Variants in RGS6 observed in about 807,000 individuals in gnomAD.
RGS6 encodes the protein regulator of G-protein signaling 6.
RGS6 carries 30 observed loss-of-function variants against 78.5 expected under a neutral mutation model. That is an observed-to-expected ratio of 0.38 (90% CI 0.29 to 0.52). The LOEUF is 0.52. Among genes scored for constraint, RGS6 ranks in the 20% least tolerant of loss-of-function variants. The probability of loss-of-function intolerance (pLI) is 0.85; values close to 1 mark genes in which losing one functional copy is unlikely to be tolerated. For synonymous variants in RGS6, 206 were observed against 206.0 expected, an observed-to-expected ratio of 1.00 and a Z score of 0.00; for missense variants, 495 against 609.7, an observed-to-expected ratio of 0.81 and a Z score of 1.98.
intron 2 of RGS6, among the ~76,000 whole-genome samples, chr14:72,294,177 G>A (rs2152347700): frequency 6.6e-6 from 1 of 152,346 alleles, no homozygotes. Flanking sequence ...AATGGATTAG[G>A]GTACTTAACA....
intron 13 of RGS6, among the ~76,000 whole-genome samples, chr14:72,502,414 A>G (rs779449900): frequency 6.6e-5 from 10 of 152,210 alleles, no homozygotes; most frequent in South Asian, 2.1e-4. Context: ...AGGAGAGTGA[A>G]AGAGACTAAT....
intron 17 of RGS6, among the ~76,000 whole-genome samples, chr14:72,546,394 G>A (rs1233915052): frequency 1.3e-5 from 2 of 152,188 alleles, no homozygotes; most frequent in African/African-American, 2.4e-5. Context: ...GGCTCCTCAC[G>A]GGGTTGACAG....
chr14:72,413,435 A>G (rs1472509101), intron 3 of RGS6, among the ~76,000 whole-genome samples: 1 of 151,986 alleles, frequency 6.6e-6, no homozygotes, highest in African/African-American at 2.4e-5. Context: ...ATCTTCCTCC[A>G]TCCCTTTATT....
intron 2 of RGS6, among the ~76,000 whole-genome samples, chr14:72,101,497 A>G (rs932154840): frequency 3.3e-5 from 5 of 152,320 alleles, no homozygotes; most frequent in African/African-American, 1.2e-4. Context: ...CGCTCTAGTA[A>G]CATACAACCA....
At chr14:72,537,282 T>C (rs1174732027) in intron 16 of RGS6, among the ~76,000 whole-genome samples, 1 of 152,206 alleles carries the variant, frequency 6.6e-6, no homozygotes, top group Non-Finnish European at 1.5e-5. Flanking sequence ...TCCGCTGGGC[T>C]GCCTCTCAGC....
chr14:72,419,624 G>A (rs1394179837), intron 3 of RGS6, among the ~76,000 whole-genome samples: 1 of 152,222 alleles, frequency 6.6e-6, no homozygotes, highest in African/African-American at 2.4e-5. Context: ...GCTGGCCACT[G>A]AGCTGGACCC....
intron 12 of RGS6, among the ~76,000 whole-genome samples, chr14:72,480,427 T>G (rs1234956257): frequency 6.6e-6 from 1 of 152,154 alleles, no homozygotes; most frequent in Non-Finnish European, 1.5e-5. Flanking sequence ...TAATTATGCT[T>G]GAGAGGCTGC....
intron 2 of RGS6, among the ~76,000 whole-genome samples, chr14:72,054,721 C>A (rs1212895260): frequency 6.6e-6 from 1 of 152,192 alleles, no homozygotes; most frequent in Non-Finnish European, 1.5e-5. Flanking sequence ...CTTACTCCTT[C>A]ACCTCCCCAT....
intron 3 of RGS6, among the ~76,000 whole-genome samples, chr14:72,392,759 G>A (rs1050817609): frequency 1.3e-5 from 2 of 152,168 alleles, no homozygotes; most frequent in African/African-American, 2.4e-5. Flanking sequence ...TCTACAATGT[G>A]GAGAATGGTT....
the RGS6 span, among the ~76,000 whole-genome samples, chr14:72,628,285 C>T: frequency 6.6e-6 from 1 of 152,014 alleles, no homozygotes; most frequent in African/African-American, 2.4e-5. Flanking sequence ...AAGAAGATAT[C>T]CCACAATCAC....
In RGS6 at chr14:72,420,120, A is replaced by G. The variant is rs137899266; in HGVS notation, c.185-34408A>G. Among the ~76,000 whole-genome samples, 63 of 152,340 alleles carry G rather than the reference A, an allele frequency of 4.1e-4. No individual in the cohort carries two copies. The East Asian group carries it at 0.011, about 27-fold the overall frequency. On this transcript the variant is annotated intron_variant, in intron 3 of 17. Coordinates refer to ENST00000553525, the MANE Select transcript of RGS6 (RefSeq NM_001204424.2). ...GGATATGTGACTCACTCAGTGTACC[A>G]AGTTCGTGGCAGAAGTAAGTCTCAA...
the RGS6 span, among the ~76,000 whole-genome samples, chr14:71,870,959 C>T: frequency 3.8e-3 from 572 of 152,314 alleles, 7 homozygotes; most frequent in African/African-American, 0.013. Flanking sequence ...ACAAGTTCTC[C>T]TGGGAGGAGG....
Position 72,336,534 on chromosome 14 carries a change from AGC to A in RGS6, c.85-15556_85-15555del, listed in dbSNP as rs934556347. Among the ~76,000 whole-genome samples, 13 of 141,800 alleles carry A rather than the reference AGC, an allele frequency of 9.2e-5. No individual in the cohort carries two copies. In the East Asian group the frequency reaches 2.0e-3, roughly 22 times the overall value. 93.0% of individuals were successfully genotyped at this position (141,800 alleles called of 152,430 possible). ...TCCTGAGAGAGAGAGAGAGAGAGAG[AGC>A]GCGCATAGGGAGAGGCAGTGGGGAA... On this transcript the variant is annotated intron_variant, in intron 2 of 17. Coordinates refer to ENST00000553525, the MANE Select transcript of RGS6 (RefSeq NM_001204424.2).
chr14:72,252,585 G>C (rs546134252), intron 2 of RGS6, among the ~76,000 whole-genome samples: 1 of 152,210 alleles, frequency 6.6e-6, no homozygotes, highest in Admixed American at 6.5e-5. Flanking sequence ...TCCCAGGAGA[G>C]AAGTGCTGTC....
At chr14:72,347,543 A>G (rs2078288242) in intron 2 of RGS6, among the ~76,000 whole-genome samples, 2 of 152,236 alleles carry the variant, frequency 1.3e-5, no homozygotes, top group South Asian at 4.1e-4. Context: ...TGAGAACATA[A>G]AGATGAATCT....
rs1245311846 is a variant in RGS6 at position 72,565,026 on chromosome 14, G to GA, written c.*2559_*2560insA. The GA allele has an allele frequency of 6.6e-6, 1 of 152,272 alleles. No individual in the cohort carries two copies. The highest frequency in any genetic ancestry group is 1.5e-5 in the Non-Finnish European group (1 of 68,076). 9.4% of individuals were successfully genotyped at this position (152,272 alleles called of 1,614,324 possible). A position where few individuals can be genotyped will look rare whatever the true frequency, so the allele number is the denominator to read the frequency against. On this transcript the variant is annotated 3_prime_UTR_variant, in exon 18 of 18. Coordinates refer to ENST00000553525, the MANE Select transcript of RGS6 (RefSeq NM_001204424.2). The stretch of plus-strand genomic sequence containing the variant: ...TACCACGCAGAACTTGGTCATGCAA[G>GA]TACATTTGGAAAATCTGGTCTTGGC...
intron 2 of RGS6, among the ~76,000 whole-genome samples, chr14:72,272,835 C>A (rs1457267042): frequency 6.6e-6 from 1 of 152,198 alleles, no homozygotes; most frequent in African/African-American, 2.4e-5. Flanking sequence ...GACTTGGAGA[C>A]CAGGTGCAAT....
At position 72,255,780 on chromosome 14, in the gene RGS6, T is replaced by C. The variant is rs566931285; in HGVS notation, c.85-96315T>C. On this transcript the variant is annotated intron_variant, in intron 2 of 17. Transcript: ENST00000553525. ...AGCATTTGCTTATTTGGAAAACTTT[T>C]ATTTGCATTTCACATTTTTTATCAC... 4.6e-5 allele frequency among the ~76,000 whole-genome samples: 7 copies of C among 152,354 alleles called. No individual in the cohort carries two copies. The East Asian group carries it at 1.2e-3, about 25-fold the overall frequency.
chr14:72,119,013 A>G (rs1392896890), intron 2 of RGS6, among the ~76,000 whole-genome samples: 1 of 152,126 alleles, frequency 6.6e-6, no homozygotes, highest in East Asian at 1.9e-4. Context: ...TTGGATAGAT[A>G]TTATCTATTT....
Sources: allele counts gnomAD v4.1 joint callset (sites outside exome capture counted in the v4.1 genomes callset), GRCh38; gene constraint gnomAD v4.1.1; transcripts MANE v1.5; gene names NCBI Gene and HGNC (gene_info 2026-07-23, HGNC 2026-07-21).